The following PDE4A variants were observed in gnomAD, a reference collection of about 807,000 sequenced individuals.
PDE4A encodes phosphodiesterase 4A.
Under a neutral mutation model 73.9 loss-of-function variants are expected in PDE4A, and 21 were observed. The ratio of observed to expected loss-of-function variants is 0.28; its 90% CI spans 0.20 to 0.41. The LOEUF (loss-of-function observed/expected upper bound fraction) is 0.41. Among genes scored for constraint, PDE4A ranks in the 10% least tolerant of loss-of-function variants. PDE4A has a pLI of 1.00. For synonymous variants in PDE4A, 463 were observed against 505.4 expected, an observed-to-expected ratio of 0.92 and a Z score of 1.13; for missense variants, 958 against 1,211.4, an observed-to-expected ratio of 0.79 and a Z score of 3.10.
chr19:10,429,654 GA>G (rs904198521), intron 1 of PDE4A, among the ~76,000 whole-genome samples: 2 of 152,182 alleles, frequency 1.3e-5, no homozygotes, highest in African/African-American at 4.8e-5. Context: ...GGTGTCTTAA[GA>G]GTTGTAAGAC....
chr19:10,424,531 G>T lies in PDE4A; in HGVS notation c.320+3447G>T, dbSNP rs762460569. 9.9e-5 allele frequency among the ~76,000 whole-genome samples: 15 copies of T among 152,250 alleles called. No individual in the cohort carries two copies. Among genetic ancestry groups the T allele is most frequent in the Non-Finnish European group, 1.9e-4 (13 of 68,050 alleles). ...CAGCCTGGGTGTGCGCTCCGAGCGCGGACCTGCTCCAGGGACGCCGCCAGT... is the reference window on the plus strand; with the variant it reads ...CAGCCTGGGTGTGCGCTCCGAGCGCTGACCTGCTCCAGGGACGCCGCCAGT... On this transcript the variant is annotated intron_variant, in intron 1 of 14. Coordinates refer to ENST00000380702, the MANE Select transcript of PDE4A (RefSeq NM_001111307.2). The surrounding 1 kb of genome is among the most constrained non-coding windows in gnomAD (Gnocchi z 4.8).
upstream of PDE4A, chr19:10,419,139 G>A: frequency 2.1e-6 from 2 of 966,744 alleles, no homozygotes; most frequent in Non-Finnish European, 2.5e-6. Flanking sequence ...GTGCCCTGGG[G>A]AGCCCGTGAC....
intron 1 of PDE4A, chr19:10,431,203 C>G (rs1438629648): frequency 1.4e-6 from 1 of 720,454 alleles, no homozygotes; most frequent in African/African-American, 1.9e-5. Flanking sequence ...TGTCACATAG[C>G]AGCGATCAAA....
chr19:10,450,530 A>G (rs1353915213), intron 4 of PDE4A, 73 bp from the exon 5 acceptor site: 3 of 1,521,646 alleles, frequency 2.0e-6, no homozygotes, highest in Admixed American at 4.5e-5. Context: ...GGCACTGTTC[A>G]TGAAAGCGGG....
At position 10,466,565 on chromosome 19, in the gene PDE4A, G is replaced by A. The variant is rs188957735; in HGVS notation, c.1927-322G>A. Among the ~76,000 whole-genome samples the A allele has an allele frequency of 1.5e-3, 221 of 151,312 alleles. 1 individual carries two copies. Among genetic ancestry groups the A allele is most frequent in the African/African-American group, 4.2e-3 (173 of 41,266 alleles). ...CAGGCTGGAGTGCAGTGGTGCGATCGCAGCTCATTGCAATCTCCGCCTCCC... is the reference window on the plus strand; with the variant it reads ...CAGGCTGGAGTGCAGTGGTGCGATCACAGCTCATTGCAATCTCCGCCTCCC... On this transcript the variant is annotated intron_variant, in intron 14 of 14. Transcript: ENST00000380702.
chr19:10,448,844 A>C, intron 2 of PDE4A, 73 bp from the exon 3 acceptor site: 1 of 1,604,926 alleles, frequency 6.2e-7, no homozygotes, highest in South Asian at 1.1e-5. Flanking sequence ...CCCTGGGTCC[A>C]GCCTCACAGG....
At position 10,453,269 on chromosome 19, in the gene PDE4A, C is replaced by G; in HGVS notation, c.784-1560C>G. ...AGGCGGGCTAAGTCTCCAAGATGCCCTTGGTGGATTTCTTCTGCGAGACCT... is the reference window on the plus strand; with the variant it reads ...AGGCGGGCTAAGTCTCCAAGATGCCGTTGGTGGATTTCTTCTGCGAGACCT... On this transcript the variant is annotated intron_variant, in intron 6 of 14. Coordinates refer to ENST00000380702, the MANE Select transcript of PDE4A (RefSeq NM_001111307.2). The surrounding 1 kb of genome is among the most constrained non-coding windows in gnomAD (Gnocchi z 4.6). The G allele has an allele frequency of 6.2e-7, 1 of 1,613,096 alleles. No homozygotes were observed. Among genetic ancestry groups the G allele is most frequent in the African/African-American group, 1.3e-5 (1 of 75,024 alleles).
intron 1 of PDE4A, among the ~76,000 whole-genome samples, chr19:10,432,062 C>G (rs931244927): frequency 6.6e-6 from 1 of 151,190 alleles, no homozygotes; most frequent in Admixed American, 6.6e-5. Context: ...GGGCCCAGCT[C>G]GACGTCAGGG....
chr19:10,439,152 C>T (rs77231549), intron 1 of PDE4A, among the ~76,000 whole-genome samples: 15,794 of 151,890 alleles, frequency 0.1, 998 homozygotes, highest in South Asian at 0.21. Context: ...GGTGATTCTA[C>T]GTGTTTGTTT....
At chr19:10,456,532 A>AAAAAT (rs1555733666) in intron 7 of PDE4A, among the ~76,000 whole-genome samples, 57 of 149,062 alleles carry the variant, frequency 3.8e-4, no homozygotes, top group African/African-American at 1.3e-3. Flanking sequence ...TCTCAAAAAA[A>AAAAAT]AAATAAATAA....
chr19:10,450,413 C>T (rs1266386194), intron 4 of PDE4A, 190 bp from the exon 5 acceptor site: 1 of 839,336 alleles, frequency 1.2e-6, no homozygotes, highest in Non-Finnish European at 1.4e-6. Flanking sequence ...CCTTGAGCCT[C>T]AGTTTCCACA....
At chr19:10,429,519 G>T (rs536713717) in intron 1 of PDE4A, among the ~76,000 whole-genome samples, 1 of 152,200 alleles carries the variant, frequency 6.6e-6, no homozygotes, top group East Asian at 1.9e-4. Flanking sequence ...GTCATCTTTT[G>T]TAGAGATGGG....
rs778486546 is a variant in PDE4A, at chr19:10,446,335, C to T, written c.438C>T (p.Phe146=). The T allele has an allele frequency of 1.4e-5, 23 of 1,613,824 alleles. No homozygotes were observed. The Admixed American group carries it at 2.8e-4, about 20-fold the overall frequency. ...CCACCAGCCAGCGCCGGGAGTCCTTCCTGTACCGCTCAGACAGCGACTATG... is the reference window on the plus strand; with the variant it reads ...CCACCAGCCAGCGCCGGGAGTCCTTTCTGTACCGCTCAGACAGCGACTATG... ...GAATSQRRES[F]LYRSDSDYDM... Residue 146 remains phenylalanine, a synonymous_variant, in exon 2 of 15, where the codon TTC becomes TTT. Transcript: ENST00000380702.
At chr19:10,418,760 C>T, upstream of PDE4A, 1 of 985,334 alleles carries the variant, frequency 1.0e-6, no homozygotes, top group Non-Finnish European at 1.2e-6. Context: ...ATTACGCACT[C>T]CCACCCGCTT....
upstream of PDE4A, chr19:10,419,042 T>G: frequency 2.1e-6 from 2 of 969,222 alleles, no homozygotes; most frequent in Non-Finnish European, 2.4e-6. Context: ...CTGTGGGGGT[T>G]GAAGACCGGC....
upstream of PDE4A, chr19:10,419,087 A>C: frequency 1.0e-6 from 1 of 966,600 alleles, no homozygotes; most frequent in African/African-American, 1.9e-5. Flanking sequence ...TTTTCAAATA[A>C]GGAGAAGGGC....
chr19:10,429,307 G>A (rs1320380873), intron 1 of PDE4A, among the ~76,000 whole-genome samples: 6 of 148,614 alleles, frequency 4.0e-5, no homozygotes. Flanking sequence ...AGAAAGAGAG[G>A]AAGGAAAGAA....
rs2043128712 is a variant in PDE4A, at chr19:10,453,651, T to C, written c.784-1178T>C. 6.6e-6 allele frequency among the ~76,000 whole-genome samples: 1 copy of C among 152,104 alleles called. No individual in the cohort carries two copies. The highest frequency in any genetic ancestry group is 1.5e-5 in the Non-Finnish European group (1 of 68,014). ...GGCCCTGTCTGAGATCATCTGGCTC[T>C]GACCATGGTGTTGTGTGTTGGGTTG... is the stretch of plus-strand genomic sequence containing the variant. On this transcript the variant is annotated intron_variant, in intron 6 of 14. Coordinates refer to ENST00000380702, the MANE Select transcript of PDE4A (RefSeq NM_001111307.2). The surrounding 1 kb of genome is among the most constrained non-coding windows in gnomAD (Gnocchi z 4.6).
intron 1 of PDE4A, among the ~76,000 whole-genome samples, chr19:10,435,030 T>C (rs2042846389): frequency 6.6e-6 from 1 of 151,506 alleles, no homozygotes; most frequent in Non-Finnish European, 1.5e-5. Flanking sequence ...CGCCTGGCCA[T>C]AGTTCTTGTT....
Sources: gnomAD v4.1 joint callset for allele counts (sites outside exome capture counted in the v4.1 genomes callset) on GRCh38, gnomAD v4.1.1 for gene constraint, Gnocchi (gnomAD v3.1) non-coding constraint, MANE v1.5 for transcripts, NCBI Gene and HGNC (gene_info 2026-07-23, HGNC 2026-07-21) for gene names.